The following GRIK2 variants were observed in gnomAD, a reference collection of about 807,000 sequenced individuals.
GRIK2 encodes glutamate ionotropic receptor kainate type subunit 2.
A neutral mutation model predicts 100.3 loss-of-function variants in GRIK2; 32 were observed. That is an observed-to-expected ratio of 0.32 (90% CI 0.24 to 0.43). GRIK2 has a LOEUF of 0.43. Ranked by LOEUF, GRIK2 falls within the 20% of genes least tolerant of loss-of-function variation. The pLI is 1.00. For missense variants in GRIK2, 843 were observed against 1,114.9 expected (o/e 0.76, Z 3.47); for synonymous variants, 417 against 389.4 (o/e 1.07, Z -0.83).
chr6:101,654,285 G>A (rs1037460917), intron 4 of GRIK2, among the ~76,000 whole-genome samples: 2 of 152,202 alleles, frequency 1.3e-5, no homozygotes, highest in Non-Finnish European at 2.9e-5. Flanking sequence ...AACTGGGATC[G>A]TGATGTTTGT....
chr6:101,528,183 G>A (rs1484205284), intron 2 of GRIK2, among the ~76,000 whole-genome samples: 1 of 152,148 alleles, frequency 6.6e-6, no homozygotes, highest in Non-Finnish European at 1.5e-5. Flanking sequence ...CACTAAGCAA[G>A]CATCTAGTAA....
intron 2 of GRIK2, among the ~76,000 whole-genome samples, chr6:101,602,598 G>GT (rs2128310632): frequency 6.6e-6 from 1 of 151,416 alleles, no homozygotes; most frequent in East Asian, 2.0e-4. Flanking sequence ...TGATTATACA[G>GT]TGTATCTCCC....
intron 6 of GRIK2, among the ~76,000 whole-genome samples, chr6:101,684,516 T>A (rs1049302840): frequency 6.6e-6 from 1 of 152,154 alleles, no homozygotes; most frequent in Non-Finnish European, 1.5e-5. Flanking sequence ...TCTCTTTTTG[T>A]CAATCATCAG....
At chr6:101,659,629 T>C (rs1291423449) in intron 4 of GRIK2, among the ~76,000 whole-genome samples, 1 of 152,228 alleles carries the variant, frequency 6.6e-6, no homozygotes, top group Non-Finnish European at 1.5e-5. Flanking sequence ...TTTCCATATT[T>C]AGTGCTTCCT....
intron 7 of GRIK2, among the ~76,000 whole-genome samples, chr6:101,725,840 T>A (rs77117113): frequency 0.013 from 1,971 of 152,108 alleles, 40 homozygotes; most frequent in African/African-American, 0.046. Context: ...TGTGTTCACC[T>A]GAATGTTTGA....
At chr6:101,763,314 A>G (rs767112748) in intron 7 of GRIK2, among the ~76,000 whole-genome samples, 5 of 152,158 alleles carry the variant, frequency 3.3e-5, no homozygotes, top group Non-Finnish European at 7.3e-5. Context: ...AATTTATTCA[A>G]TCCTGAAAAC....
intron 10 of GRIK2, among the ~76,000 whole-genome samples, chr6:101,858,541 T>G (rs753822248): frequency 6.7e-6 from 1 of 148,230 alleles, no homozygotes; most frequent in Non-Finnish European, 1.5e-5. Flanking sequence ...CGCCCGCCAC[T>G]ACGCCCAGCT....
chr6:101,859,368 C>G lies in GRIK2; in HGVS notation c.1399C>G (p.Leu467Val). The G allele has an allele frequency of 6.2e-7, 1 of 1,601,954 alleles. No individual in the cohort carries two copies. Residue 467 changes from leucine to valine, a missense_variant, in exon 11 of 17, where the codon CTC (leucine) becomes GTC (valine). Coordinates refer to ENST00000369134, the MANE Select transcript of GRIK2 (RefSeq NM_021956.5). ...DRFEGYCIDL[L>V]RELSTILGFT... Reference sequence around the variant, plus strand: ...ATTTGAAGGCTATTGCATTGATCTCCTCAGAGAGTTATCTACAATCCTTGG... The same window carrying G: ...ATTTGAAGGCTATTGCATTGATCTCGTCAGAGAGTTATCTACAATCCTTGG...
chr6:101,614,608 C>G (rs1310912146), intron 2 of GRIK2, among the ~76,000 whole-genome samples: 1 of 151,558 alleles, frequency 6.6e-6, no homozygotes, highest in African/African-American at 2.4e-5. Context: ...ATTAAAGAAG[C>G]TTGATGATTT....
intron 11 of GRIK2, 79 bp downstream of exon 11, chr6:101,859,572 C>A: frequency 1.3e-6 from 1 of 787,812 alleles, no homozygotes; most frequent in East Asian, 2.5e-5. Flanking sequence ...TATGAAATAA[C>A]TACAAAGAGT....
At chr6:101,891,960 C>T (rs1455700991) in intron 12 of GRIK2, among the ~76,000 whole-genome samples, 1 of 152,064 alleles carries the variant, frequency 6.6e-6, no homozygotes, top group Non-Finnish European at 1.5e-5. Context: ...TCAGATTAAG[C>T]AATTCAGTGC....
chr6:101,935,893 G>A (rs1358268360), intron 14 of GRIK2, among the ~76,000 whole-genome samples: 1 of 151,972 alleles, frequency 6.6e-6, no homozygotes, highest in East Asian at 1.9e-4. Context: ...ATGACATACT[G>A]TTCTGACTTG....
chr6:101,942,941 A>G (rs971010697), intron 14 of GRIK2, among the ~76,000 whole-genome samples: 1 of 152,226 alleles, frequency 6.6e-6, no homozygotes, highest in African/African-American at 2.4e-5. Context: ...AATAGCCAAG[A>G]TAATAAGGAA....
intron 4 of GRIK2, among the ~76,000 whole-genome samples, chr6:101,649,792 A>G (rs2128327871): frequency 6.6e-6 from 1 of 152,214 alleles, no homozygotes; most frequent in Non-Finnish European, 1.5e-5. Flanking sequence ...GAGTAAAGGG[A>G]GAAAGCCCAG....
chr6:101,524,613 A>G (rs1775054351), intron 2 of GRIK2, among the ~76,000 whole-genome samples: 1 of 152,166 alleles, frequency 6.6e-6, no homozygotes, highest in Non-Finnish European at 1.5e-5. Context: ...GACAGTAAGT[A>G]GACTGCTAAT....
intron 7 of GRIK2, among the ~76,000 whole-genome samples, chr6:101,717,393 C>A (rs764828882): frequency 6.6e-6 from 1 of 151,646 alleles, no homozygotes; most frequent in African/African-American, 2.4e-5. Context: ...TCGGTGTTAA[C>A]GCTGACAATA....
At chr6:101,687,085 C>A (rs1038445727) in intron 7 of GRIK2, among the ~76,000 whole-genome samples, 1 of 151,892 alleles carries the variant, frequency 6.6e-6, no homozygotes, top group East Asian at 1.9e-4. Context: ...AATAAGTAAT[C>A]AATATAAAAA....
intron 11 of GRIK2, among the ~76,000 whole-genome samples, chr6:101,867,529 G>A (rs1236825172): frequency 1.3e-5 from 2 of 151,612 alleles, no homozygotes; most frequent in African/African-American, 4.8e-5. Flanking sequence ...TGCTATACTA[G>A]ATTATGATTC....
chr6:101,699,494 C>A (rs1233211644), intron 7 of GRIK2, among the ~76,000 whole-genome samples: 1 of 152,118 alleles, frequency 6.6e-6, no homozygotes, highest in Non-Finnish European at 1.5e-5. Context: ...CAGGCCTTGT[C>A]TACACTGTAC....
Sources: gnomAD v4.1 joint callset for allele counts (sites outside exome capture counted in the v4.1 genomes callset) on GRCh38, gnomAD v4.1.1 for gene constraint, MANE v1.5 for transcripts, NCBI Gene and HGNC (gene_info 2026-07-23, HGNC 2026-07-21) for gene names.